The following GRIK1 variants were observed in gnomAD, a reference collection of about 807,000 sequenced individuals.
The protein encoded by GRIK1 is glutamate receptor ionotropic, kainate 1.
A neutral mutation model predicts 105.7 loss-of-function variants in GRIK1; 69 were observed. The ratio of observed to expected loss-of-function variants is 0.65; its 90% CI spans 0.54 to 0.80. The LOEUF (loss-of-function observed/expected upper bound fraction) is 0.80. GRIK1 is among the 30% of genes least tolerant of loss of function. The pLI is 0.00. For synonymous variants in GRIK1, 438 were observed against 431.3 expected (o/e 1.02, Z -0.19); for missense variants, 1,109 against 1,167.3 (o/e 0.95, Z 0.73).
chr21:29,702,849 C>T (rs544270929), intron 1 of GRIK1, among the ~76,000 whole-genome samples: 1 of 147,022 alleles, frequency 6.8e-6, no homozygotes, highest in South Asian at 2.3e-4. Flanking sequence ...GAAAATAAGA[C>T]CCTGCCAATA....
At chr21:29,717,937 A>G (rs1344390853) in intron 1 of GRIK1, among the ~76,000 whole-genome samples, 1 of 152,102 alleles carries the variant, frequency 6.6e-6, no homozygotes, top group African/African-American at 2.4e-5. Context: ...GTGGGAGATA[A>G]TTGAATCATG....
intron 1 of GRIK1, among the ~76,000 whole-genome samples, chr21:29,769,995 T>C (rs1601648699): frequency 1.3e-5 from 2 of 152,298 alleles, no homozygotes; most frequent in South Asian, 4.2e-4. Flanking sequence ...TATGATGTTG[T>C]TTTTTATAGT....
chr21:29,792,630 C>T (rs2066449642), intron 1 of GRIK1, among the ~76,000 whole-genome samples: 1 of 152,194 alleles, frequency 6.6e-6, no homozygotes, highest in Non-Finnish European at 1.5e-5. Context: ...ACCAAAATGT[C>T]CACTATGGTT....
intron 1 of GRIK1, among the ~76,000 whole-genome samples, chr21:29,899,916 A>T (rs553513541): frequency 4.1e-4 from 63 of 152,234 alleles, no homozygotes; most frequent in African/African-American, 1.4e-3. Context: ...ACAAAAACAC[A>T]CTGATTCCTT....
chr21:29,601,123 A>T, intron 7 of GRIK1: 1 of 404,510 alleles, frequency 2.5e-6, no homozygotes, highest in Non-Finnish European at 5.4e-6. Context: ...GGACTGAGCA[A>T]GGCAGACAGC....
intron 3 of GRIK1, among the ~76,000 whole-genome samples, chr21:29,678,158 G>A (rs7281584): frequency 4.1e-4 from 63 of 152,222 alleles, no homozygotes; most frequent in African/African-American, 1.4e-3. Flanking sequence ...TTGGAAATAT[G>A]CAAAATGGCA....
In GRIK1 at chr21:29,673,090, A is replaced by G. The variant is rs1181352373; in HGVS notation, c.619T>C (p.Ser207Pro). 4 of 1,612,122 alleles carry G rather than the reference A, an allele frequency of 2.5e-6. No homozygotes were observed. In the East Asian group the frequency reaches 8.9e-5, roughly 36 times the overall value. The change falls in exon 4 of 18, where the codon TCT becomes CCT. Residue 207 changes from serine to proline, a missense_variant. Around this residue, in one of 5 missense-constraint regions of GRIK1, gnomAD observed 612 missense variants for 586.0 expected, o/e 1.04. Transcript: ENST00000327783. ...AAAGGCTTGGCATCTTTATTCCCAG[A>G]GGGCAGCTGGCGGATTTTGATTTTA... Reference protein sequence around the residue: ...NIKIKIRQLPSGNKDAKPLLK... With the variant: ...NIKIKIRQLPPGNKDAKPLLK...
intron 7 of GRIK1, among the ~76,000 whole-genome samples, chr21:29,629,194 ATGTGTGTGTGTGTGTGTGTG>A: frequency 1.5e-5 from 2 of 132,664 alleles, no homozygotes; most frequent in East Asian, 2.1e-4. Flanking sequence ...GAAAGGAGAA[ATGTGTGTGTGTGTGTGTGTG>A]TGTGTGTGTG....
At chr21:29,781,536 T>C (rs2066099419) in intron 1 of GRIK1, among the ~76,000 whole-genome samples, 1 of 152,246 alleles carries the variant, frequency 6.6e-6, no homozygotes, top group South Asian at 2.1e-4. Context: ...TCTTTAAATG[T>C]CTATAGTTGT....
intron 1 of GRIK1, among the ~76,000 whole-genome samples, chr21:29,736,410 G>A (rs1460727885): frequency 6.6e-6 from 1 of 151,834 alleles, no homozygotes; most frequent in Non-Finnish European, 1.5e-5. Flanking sequence ...TTTTATATTT[G>A]TAGAGACAAG....
chr21:29,618,306 G>A (rs915272316), intron 7 of GRIK1, among the ~76,000 whole-genome samples: 6 of 152,098 alleles, frequency 3.9e-5, no homozygotes, highest in Non-Finnish European at 7.3e-5. Flanking sequence ...AAACCACAAT[G>A]CGATACCACC....
At chr21:29,894,106 A>G (rs1424172431) in intron 1 of GRIK1, among the ~76,000 whole-genome samples, 3 of 152,162 alleles carry the variant, frequency 2.0e-5, no homozygotes, top group African/African-American at 7.2e-5. Context: ...TGGATTGATG[A>G]AGAAGGGCCT....
At chr21:29,927,732 G>A (rs1441023277) in intron 1 of GRIK1, among the ~76,000 whole-genome samples, 3 of 151,932 alleles carry the variant, frequency 2.0e-5, no homozygotes, top group Non-Finnish European at 2.9e-5. Context: ...TTAGCCAGGC[G>A]TGGTGGCATG....
chr21:29,761,091 A>T (rs2065502535), intron 1 of GRIK1, among the ~76,000 whole-genome samples: 1 of 152,198 alleles, frequency 6.6e-6, no homozygotes, highest in Non-Finnish European at 1.5e-5. Context: ...GATGATAATA[A>T]GTTTCACCAT....
At chr21:29,580,035 G>GTATATATATA (rs2090986659) in intron 13 of GRIK1, among the ~76,000 whole-genome samples, 2 of 139,242 alleles carry the variant, frequency 1.4e-5, no homozygotes, top group Admixed American at 7.2e-5. Flanking sequence ...ATGTATATAT[G>GTATATATATA]TGTATATATG....
chr21:29,936,670 A>G (rs1413037041), intron 1 of GRIK1, among the ~76,000 whole-genome samples: 2 of 152,232 alleles, frequency 1.3e-5, no homozygotes, highest in African/African-American at 4.8e-5. Context: ...GCATAAGATT[A>G]TAAACTTTCC....
At chr21:29,634,863 G>T (rs1240824241) in intron 7 of GRIK1, among the ~76,000 whole-genome samples, 1 of 152,196 alleles carries the variant, frequency 6.6e-6, no homozygotes, top group East Asian at 1.9e-4. Flanking sequence ...TCTCCACTCT[G>T]TATGGAACTG....
intron 16 of GRIK1, among the ~76,000 whole-genome samples, chr21:29,547,604 T>C (rs2090068742): frequency 6.6e-6 from 1 of 152,364 alleles, no homozygotes; most frequent in Admixed American, 6.5e-5. Flanking sequence ...GATTCCCAAG[T>C]CACCTGTCTA....
chr21:29,696,061 A>G (rs1327012447), intron 1 of GRIK1, among the ~76,000 whole-genome samples: 1 of 152,268 alleles, frequency 6.6e-6, no homozygotes, highest in African/African-American at 2.4e-5. Flanking sequence ...CAATAAACAA[A>G]TACACATCTG....
Sources: allele counts gnomAD v4.1 joint callset (sites outside exome capture counted in the v4.1 genomes callset), GRCh38; gene constraint gnomAD v4.1.1; regional missense constraint gnomAD v4.1.1; transcripts MANE v1.5; gene names NCBI Gene and HGNC (gene_info 2026-07-23, HGNC 2026-07-21).